The following ILK variants were observed in gnomAD, a reference collection of about 807,000 sequenced individuals.
ILK encodes the protein integrin linked kinase.
A neutral mutation model predicts 57.8 loss-of-function variants in ILK; 37 were observed. The observed-to-expected ratio is 0.64, with a 90% CI of 0.49 to 0.84. The LOEUF (loss-of-function observed/expected upper bound fraction) is 0.84, where lower values mean the gene tolerates loss of function less well. Among genes scored for constraint, ILK ranks in the 40% least tolerant of loss-of-function variants. The pLI is 0.00. For missense variants in ILK, 528 were observed against 595.7 expected (o/e 0.89, Z 1.18); for synonymous variants, 231 against 202.2 (o/e 1.14, Z -1.21).
chr11:6,610,401 G>C lies in ILK; in HGVS notation c.1210-61G>C. 2.5e-6 allele frequency: 4 copies of C among 1,613,784 alleles called. No homozygotes were observed. In the South Asian group the frequency reaches 4.4e-5, roughly 18 times the overall value. On this transcript the variant is annotated intron_variant, in intron 12 of 12. Transcript: ENST00000299421. ...TACAGTAATCCTGTCCCAAGGGCCA[G>C]TGGCTTCTCTCTACATGACAGACTC...
At chr11:6,604,628 G>A in intron 2 of ILK, 1 of 572,762 alleles carries the variant, frequency 1.7e-6, no homozygotes, top group Non-Finnish European at 3.1e-6. Context: ...AAGGCACAGA[G>A]CAGAGAGAAC....
chr11:6,608,279 C>T lies in ILK; in HGVS notation c.255+68C>T, dbSNP rs374050454. 6 of 1,579,242 alleles carry T rather than the reference C, an allele frequency of 3.8e-6. No individual in the cohort carries two copies. The African/African-American group carries it at 5.4e-5, about 14-fold the overall frequency. ...TGAGGGTCAGTCACAGGCACTGTAA[C>T]ATACAGTAGAAAGCATGTGTGCTCT... is the stretch of plus-strand genomic sequence containing the variant. On this transcript the variant is annotated intron_variant, in intron 3 of 12. Transcript: ENST00000299421. The surrounding 1 kb of genome is among the most constrained non-coding windows in gnomAD (Gnocchi z 4.9).
intron 2 of ILK, among the ~76,000 whole-genome samples, chr11:6,605,404 C>G (rs1312185512): frequency 6.6e-6 from 1 of 151,940 alleles, no homozygotes; most frequent in Non-Finnish European, 1.5e-5. Context: ...GTGAGTAAAG[C>G]TTACAGAAGA....
chr11:6,608,010 A>C lies in ILK; in HGVS notation c.90-36A>C. 6.2e-7 allele frequency: 1 copy of C among 1,611,412 alleles called. No individual in the cohort carries two copies. Among genetic ancestry groups the C allele is most frequent in the East Asian group, 2.2e-5 (1 of 44,852 alleles). ...GGAATCAAAACCTTTGCCCCATCCC[A>C]CCTCCAGCTCAATGACCATTGCCCC... On this transcript the variant is annotated intron_variant, in intron 2 of 12. Coordinates refer to ENST00000299421, the MANE Select transcript of ILK (RefSeq NM_004517.4). This position sits in a 1 kb window ranked among gnomAD's most constrained non-coding sequence, Gnocchi z 4.9.
Position 6,608,192 on chromosome 11 carries a change from A to G in ILK, c.236A>G (p.His79Arg). ...CTGCATCTGGCAGCCAGTCATGGAC[A>G]CCGTGATATTGTACAGAAGGTACGT... ...TPLHLAASHG[H>R]RDIVQKLLQY... The change falls in exon 3 of 13, where the codon CAC (histidine) becomes CGC (arginine). Residue 79 changes from histidine to arginine, a missense_variant. Transcript: ENST00000299421. The surrounding 1 kb of genome is among the most constrained non-coding windows in gnomAD (Gnocchi z 4.9). 6.2e-7 allele frequency: 1 copy of G among 1,614,182 alleles called. No individual in the cohort carries two copies. The highest frequency in any genetic ancestry group is 8.5e-7 in the Non-Finnish European group (1 of 1,180,038).
At chr11:6,606,486 A>T (rs983060736) in intron 2 of ILK, 5 of 152,194 alleles carry the variant, frequency 3.3e-5, no homozygotes, top group Non-Finnish European at 5.9e-5. Context: ...TGATAAAGAC[A>T]GTAAGCACTG....
chr11:6,608,781 C>G lies in ILK; in HGVS notation c.439C>G (p.Leu147Val). Residue 147 changes from leucine to valine, a missense_variant, in exon 5 of 13, where the codon CTT becomes GTT. By Grantham distance (32) the Leu-to-Val change is conservative. Transcript: ENST00000299421. This position sits in a 1 kb window ranked among gnomAD's most constrained non-coding sequence, Gnocchi z 4.9. The part of the protein sequence containing the change: ...VDKAKAPLRE[L>V]LRERAEKMGQ... ...CAAAGCCAAGGCACCCCTGAGAGAG[C>G]TTCTCCGAGGTCCATCTCCCCATCC... The G allele has an allele frequency of 6.2e-7, 1 of 1,613,754 alleles. No individual in the cohort carries two copies. Among genetic ancestry groups the G allele is most frequent in the Non-Finnish European group, 8.5e-7 (1 of 1,179,652 alleles).
At chr11:6,604,406 T>A (rs538435582) in intron 2 of ILK, 46 bp downstream of exon 2, 1 of 1,501,182 alleles carries the variant, frequency 6.7e-7, no homozygotes, top group East Asian at 2.4e-5. Flanking sequence ...AGAGATCTCC[T>A]GGCTACGTGG....
chr11:6,604,759 T>C, intron 2 of ILK: 1 of 476,202 alleles, frequency 2.1e-6, no homozygotes, highest in South Asian at 1.6e-5. Flanking sequence ...ATCAGCCAGA[T>C]CATGCAAGCA....
intron 2 of ILK, 69 bp downstream of exon 2, chr11:6,604,429 A>C (rs1854617427): frequency 2.8e-5 from 39 of 1,388,920 alleles, no homozygotes; most frequent in Non-Finnish European, 3.7e-5. Context: ...TGGAGTGCTC[A>C]TGTCTGGTGG....
Position 6,609,393 on chromosome 11 carries a change from A to T in ILK, c.713A>T (p.Glu238Val). ...STRKSRDFNE[E>V]CPRLRIFSHP... The stretch of plus-strand genomic sequence containing the variant: ...AGGAAGAGCAGGGACTTCAATGAAG[A>T]GTGTCCCCGGCTCAGGTAGTGCAAG... The change falls in exon 8 of 13, where the codon GAG becomes GTG. Residue 238 changes from glutamate (E) to valine (V), a missense_variant. By Grantham distance (121) the Glu-to-Val change is moderately radical (BLOSUM62 -2). Transcript: ENST00000299421. The T allele has an allele frequency of 2.5e-6, 4 of 1,613,968 alleles. No individual in the cohort carries two copies. Among genetic ancestry groups the T allele is most frequent in the Middle Eastern group, 1.6e-4 (1 of 6,062 alleles).
Position 6,608,295 on chromosome 11 carries a change from T to C in ILK, c.255+84T>C. ...GCACTGTAACATACAGTAGAAAGCA[T>C]GTGTGCTCTTCCCCCTTTTCCCATG... On this transcript the variant is annotated intron_variant, in intron 3 of 12. Coordinates refer to ENST00000299421, the MANE Select transcript of ILK (RefSeq NM_004517.4). The surrounding 1 kb of genome is among the most constrained non-coding windows in gnomAD (Gnocchi z 4.9). 1 of 1,572,460 alleles carries C rather than the reference T, an allele frequency of 6.4e-7. No homozygotes were observed. The highest frequency in any genetic ancestry group is 8.8e-7 in the Non-Finnish European group (1 of 1,142,104).
At chr11:6,607,856 G>C in intron 2 of ILK, 190 bp from the exon 3 acceptor site, 1 of 608,314 alleles carries the variant, frequency 1.6e-6, no homozygotes, top group Admixed American at 2.8e-5. Context: ...AGATATCTAG[G>C]TGGTTGGTTT....
Position 6,609,635 on chromosome 11 carries a change from C to G in ILK, c.852C>G (p.Gly284=), listed in dbSNP as rs1292157006. 2.5e-6 allele frequency: 4 copies of G among 1,614,072 alleles called. No homozygotes were observed. In the African/African-American group the frequency reaches 5.3e-5, roughly 22 times the overall value. The change falls in exon 9 of 13, where the codon GGC becomes GGG. Residue 284 remains glycine, a synonymous_variant. Coordinates refer to ENST00000299421, the MANE Select transcript of ILK (RefSeq NM_004517.4). ...YGSLYNVLHE[G]TNFVVDQSQA... is the part of the protein sequence containing the mutation. ...CCCTCTACAATGTACTACATGAAGG[C>G]ACCAGTGAGTAGGGATGTTGAATTT...
intron 2 of ILK, chr11:6,607,400 G>A (rs1272568773): frequency 6.5e-6 from 1 of 153,700 alleles, no homozygotes; most frequent in Non-Finnish European, 1.4e-5. Flanking sequence ...TTGCATGGTG[G>A]TTTGTTATCT....
In ILK at chr11:6,608,706, A is replaced by G; in HGVS notation, c.364A>G (p.Asn122Asp). ...QDQVAEDLVA[N>D]GALVSICNKY... Reference sequence around the variant, plus strand: ...CTTTTCATTCCAGGACCTGGTGGCAAATGGGGCCCTTGTCAGCATCTGTAA... The same window carrying G: ...CTTTTCATTCCAGGACCTGGTGGCAGATGGGGCCCTTGTCAGCATCTGTAA... Residue 122 changes from asparagine (N) to aspartate (D), a missense_variant, in exon 5 of 13, where the codon AAT (asparagine) becomes GAT (aspartate). Asn to Asp is a conservative substitution (Grantham distance 23). Coordinates refer to ENST00000299421, the MANE Select transcript of ILK (RefSeq NM_004517.4). The surrounding 1 kb of genome is among the most constrained non-coding windows in gnomAD (Gnocchi z 4.9). 5.6e-6 allele frequency: 9 copies of G among 1,614,018 alleles called. No homozygotes were observed. The highest frequency in any genetic ancestry group is 7.6e-6 in the Non-Finnish European group (9 of 1,179,900).
chr11:6,608,906 G>C lies in ILK; in HGVS notation c.471G>C (p.Gln157His). 1.9e-6 allele frequency: 3 copies of C among 1,614,232 alleles called. No individual in the cohort carries two copies. The highest frequency in any genetic ancestry group is 2.5e-6 in the Non-Finnish European group (3 of 1,180,048). Residue 157 changes from glutamine (Q) to histidine (H), a missense_variant, in exon 6 of 13, where the codon CAG (glutamine) becomes CAC (histidine). Transcript: ENST00000299421. The surrounding 1 kb of genome is among the most constrained non-coding windows in gnomAD (Gnocchi z 4.9). ...TAGAGCGGGCAGAGAAGATGGGCCA[G>C]AATCTCAACCGTATTCCATACAAGG... The part of the protein sequence containing the change: ...LLRERAEKMG[Q>H]NLNRIPYKDT...
At chr11:6,605,684 CCA>C (rs1482052077) in intron 2 of ILK, among the ~76,000 whole-genome samples, 1 of 152,088 alleles carries the variant, frequency 6.6e-6, no homozygotes, top group African/African-American at 2.4e-5. Flanking sequence ...CTGGTAGGCC[CCA>C]GTGTCTGTTG....
intron 2 of ILK, 34 bp downstream of exon 2, chr11:6,604,394 C>T (rs745967783): frequency 1.3e-6 from 2 of 1,552,342 alleles, no homozygotes; most frequent in Non-Finnish European, 1.8e-6. Flanking sequence ...GAGAGGAAGG[C>T]TAGAGATCTC....
Sources: allele counts gnomAD v4.1 joint callset (sites outside exome capture counted in the v4.1 genomes callset), GRCh38; gene constraint gnomAD v4.1.1; non-coding constraint Gnocchi (gnomAD v3.1); transcripts MANE v1.5; gene names NCBI Gene and HGNC (gene_info 2026-07-23, HGNC 2026-07-21).